The following MACROD2 variants were observed in gnomAD, a reference collection of about 807,000 sequenced individuals.
MACROD2 encodes the protein mono-ADP ribosylhydrolase 2.
Under a neutral mutation model 70.4 loss-of-function variants are expected in MACROD2, and 36 were observed. The observed-to-expected ratio is 0.51, with a 90% CI of 0.39 to 0.68. The LOEUF is 0.68. Ranked by LOEUF, MACROD2 falls within the 30% of genes least tolerant of loss-of-function variation. The pLI is 0.00. For missense variants in MACROD2, 496 were observed against 538.4 expected, an observed-to-expected ratio of 0.92 and a Z score of 0.78; for synonymous variants, 172 against 178.8, an observed-to-expected ratio of 0.96 and a Z score of 0.30.
chr20:14,421,478 T>C (rs2083875361), intron 3 of MACROD2, among the ~76,000 whole-genome samples: 1 of 152,186 alleles, frequency 6.6e-6, no homozygotes, highest in Non-Finnish European at 1.5e-5. Context: ...GTTTATTTCA[T>C]CTAGATTACT....
At chr20:14,250,754 A>G (rs1051185802) in intron 3 of MACROD2, among the ~76,000 whole-genome samples, 2 of 152,126 alleles carry the variant, frequency 1.3e-5, no homozygotes, top group African/African-American at 4.8e-5. Context: ...AGTGATAATA[A>G]TAACAGTAAT....
chr20:14,282,677 A>C (rs1012933136), intron 3 of MACROD2, among the ~76,000 whole-genome samples: 1 of 152,148 alleles, frequency 6.6e-6, no homozygotes, highest in Non-Finnish European at 1.5e-5. Flanking sequence ...CTGGCACTCA[A>C]CTTCTAGGGA....
At chr20:14,389,793 A>G (rs2083508157) in intron 3 of MACROD2, among the ~76,000 whole-genome samples, 1 of 152,238 alleles carries the variant, frequency 6.6e-6, no homozygotes, top group Non-Finnish European at 1.5e-5. Flanking sequence ...CACAGCCAGC[A>G]TCATACTGAA....
chr20:14,912,791 C>T (rs1361233299), intron 5 of MACROD2, among the ~76,000 whole-genome samples: 3 of 152,184 alleles, frequency 2.0e-5, no homozygotes, highest in Non-Finnish European at 2.9e-5. Flanking sequence ...AAGTTTCTTA[C>T]AAGCTTACAA....
chr20:14,662,550 C>G (rs377549656), intron 4 of MACROD2, among the ~76,000 whole-genome samples: 1 of 152,164 alleles, frequency 6.6e-6, no homozygotes, highest in Non-Finnish European at 1.5e-5. Flanking sequence ...AATGAACAGA[C>G]AACCTACAGA....
At chr20:14,540,161 A>G (rs981783836) in intron 4 of MACROD2, among the ~76,000 whole-genome samples, 4 of 152,236 alleles carry the variant, frequency 2.6e-5, no homozygotes, top group African/African-American at 9.6e-5. Flanking sequence ...TTAAAAATAA[A>G]ACCCTAAAAC....
intron 5 of MACROD2, among the ~76,000 whole-genome samples, chr20:14,988,918 T>A (rs2074874967): frequency 6.6e-6 from 1 of 152,124 alleles, no homozygotes; most frequent in South Asian, 2.1e-4. Context: ...AATTATTTAT[T>A]CTAAAAATAT....
At chr20:15,504,674 G>A (rs754923939) in intron 8 of MACROD2, among the ~76,000 whole-genome samples, 14 of 152,254 alleles carry the variant, frequency 9.2e-5, no homozygotes, top group Non-Finnish European at 1.6e-4. Context: ...GCTAAATTAA[G>A]TATTAAGAAC....
At chr20:14,373,470 A>G (rs2083345038) in intron 3 of MACROD2, among the ~76,000 whole-genome samples, 1 of 151,914 alleles carries the variant, frequency 6.6e-6, no homozygotes. Flanking sequence ...TGGTTGGGAG[A>G]CTATTTGAAT....
chr20:15,461,006 A>ATATATCTATATTTTTTTT, intron 7 of MACROD2, among the ~76,000 whole-genome samples: 1 of 66,992 alleles, frequency 1.5e-5, no homozygotes, highest in Non-Finnish European at 3.3e-5. Context: ...ATATATATAT[A>ATATATCTATATTTTTTTT]TTTTTTTTTA....
chr20:15,354,103 A>C (rs1262650989), intron 6 of MACROD2, among the ~76,000 whole-genome samples: 15 of 151,514 alleles, frequency 9.9e-5, no homozygotes, highest in Non-Finnish European at 1.5e-4. Flanking sequence ...ACCAACCCAA[A>C]TGTCCATCAA....
intron 6 of MACROD2, among the ~76,000 whole-genome samples, chr20:15,335,909 A>G (rs1010419817): frequency 1.3e-5 from 2 of 151,586 alleles, no homozygotes; most frequent in African/African-American, 4.9e-5. Context: ...TTCATGCCCA[A>G]GGGGTCTATT....
intron 9 of MACROD2, among the ~76,000 whole-genome samples, chr20:15,878,609 A>G (rs955348451): frequency 6.6e-6 from 1 of 152,088 alleles, no homozygotes; most frequent in Non-Finnish European, 1.5e-5. Flanking sequence ...TAGGTAATGG[A>G]GTAAGACAAA....
At position 16,021,345 on chromosome 20, in the gene MACROD2, A is replaced by T. The variant is rs1218335540; in HGVS notation, c.1154-19856A>T. Among the ~76,000 whole-genome samples, 5 of 152,130 alleles carry T rather than the reference A, an allele frequency of 3.3e-5. No individual in the cohort carries two copies. The East Asian group carries it at 9.6e-4, about 29-fold the overall frequency. ...ACTGATTTTTGTGTTGGATCCTCCA[A>T]TAAGGAGACACCTAGTTGGAGTTAG... On this transcript the variant is annotated intron_variant, in intron 15 of 17. Coordinates refer to ENST00000684519, the MANE Select transcript of MACROD2 (RefSeq NM_001351661.2).
At chr20:15,789,203 A>G (rs975777214) in intron 8 of MACROD2, among the ~76,000 whole-genome samples, 8 of 152,208 alleles carry the variant, frequency 5.3e-5, no homozygotes, top group Admixed American at 3.9e-4. Context: ...AGCCCTTAAA[A>G]TGACAAAAAG....
At chr20:15,139,429 C>T (rs376356398) in intron 5 of MACROD2, among the ~76,000 whole-genome samples, 6 of 152,074 alleles carry the variant, frequency 3.9e-5, no homozygotes, top group African/African-American at 1.4e-4. Flanking sequence ...GAAATGGTCT[C>T]ATGCTTAAAT....
At chr20:15,768,852 A>T (rs2051572870) in intron 8 of MACROD2, among the ~76,000 whole-genome samples, 1 of 152,142 alleles carries the variant, frequency 6.6e-6, no homozygotes, top group Admixed American at 6.5e-5. Flanking sequence ...TTTCGTTAAA[A>T]ACTAAAACAA....
chr20:14,236,651 A>G (rs2081874807), intron 3 of MACROD2, among the ~76,000 whole-genome samples: 1 of 152,074 alleles, frequency 6.6e-6, no homozygotes, highest in Admixed American at 6.5e-5. Flanking sequence ...GTTGAAGTCC[A>G]CTCTGTTACT....
At chr20:16,031,124 G>A (rs1477733775) in intron 15 of MACROD2, among the ~76,000 whole-genome samples, 1 of 152,090 alleles carries the variant, frequency 6.6e-6, no homozygotes, top group East Asian at 1.9e-4. Flanking sequence ...ATTAGACAGG[G>A]AAGGGTTAAT....
Sources: gnomAD v4.1 joint callset for allele counts (sites outside exome capture counted in the v4.1 genomes callset) on GRCh38, gnomAD v4.1.1 for gene constraint, MANE v1.5 for transcripts, NCBI Gene and HGNC (gene_info 2026-07-23, HGNC 2026-07-21) for gene names.